The following LYST variants were observed in gnomAD, a reference collection of about 807,000 sequenced individuals.
The protein encoded by LYST is lysosomal trafficking regulator, also known as lysosomal-trafficking regulator.
A neutral mutation model predicts 413.6 loss-of-function variants in LYST; 192 were observed. That is an observed-to-expected ratio of 0.46 (90% CI 0.41 to 0.52). LYST has a LOEUF of 0.52. Among genes scored for constraint, LYST ranks in the 20% least tolerant of loss-of-function variants. The pLI is 0.00. For synonymous variants in LYST, 1,525 were observed against 1,567.3 expected (o/e 0.97, Z 0.64); for missense variants, 3,815 against 4,499.9 (o/e 0.85, Z 4.35).
intron 24 of LYST, among the ~76,000 whole-genome samples, chr1:235,756,955 CAA>C (rs989393756): frequency 9.2e-5 from 14 of 151,902 alleles, no homozygotes; most frequent in Admixed American, 7.9e-4. Flanking sequence ...GTAATTTTTA[CAA>C]AAGAGATTTA....
chr1:235,788,587 G>A (rs1558245635), intron 13 of LYST, 114 bp downstream of exon 13: 2 of 930,180 alleles, frequency 2.2e-6, no homozygotes, highest in Non-Finnish European at 3.4e-6. Context: ...ATTTTTAAAT[G>A]AGACTTTTTG....
intron 3 of LYST, among the ~76,000 whole-genome samples, chr1:235,819,377 T>A (rs941160043): frequency 6.6e-6 from 1 of 152,212 alleles, no homozygotes; most frequent in Admixed American, 6.5e-5. Flanking sequence ...TCCTTTACTC[T>A]TAATTTGTGG....
rs1259915809 is a variant in LYST, at chr1:235,854,211, G to C, written c.-98+12632C>G. 6.6e-6 allele frequency among the ~76,000 whole-genome samples: 1 copy of C among 152,148 alleles called. No homozygotes were observed. The highest frequency in any genetic ancestry group is 1.5e-5 in the Non-Finnish European group (1 of 68,028). On this transcript the variant is annotated intron_variant, in intron 1 of 52. Transcript: ENST00000389793. The surrounding 1 kb of genome is among the most constrained non-coding windows in gnomAD (Gnocchi z 4.1). ...GCACTCTAGGTAAGTAGAGTAGTTA[G>C]TTTAATCCTCCTAACAATCTCCTAA...
At position 235,852,470 on chromosome 1, in the gene LYST, C is replaced by T. The variant is rs760907074; in HGVS notation, c.-98+14373G>A. Among the ~76,000 whole-genome samples the T allele has an allele frequency of 1.1e-4, 17 of 152,224 alleles. 1 individual carries two copies. The highest frequency in any genetic ancestry group is 6.8e-3 in the Middle Eastern group (2 of 294). On this transcript the variant is annotated intron_variant, in intron 1 of 52. Transcript: ENST00000389793. ...TGTTGAGGTAATCTCAGCACTTTGC[C>T]GGACCTTTTTCCCGGGGAAGTCTCA...
chr1:235,800,826 G>A, intron 9 of LYST, 45 bp downstream of exon 9: 2 of 1,288,006 alleles, frequency 1.6e-6, no homozygotes, highest in Middle Eastern at 2.1e-4. Context: ...ATTGGGTGAT[G>A]AGTCTGATAA....
chr1:235,781,583 A>G (rs1335901731), intron 15 of LYST, among the ~76,000 whole-genome samples: 2 of 152,106 alleles, frequency 1.3e-5, no homozygotes, highest in Non-Finnish European at 2.9e-5. Flanking sequence ...TAAGTTTACT[A>G]GTCATGATGC....
In LYST at chr1:235,741,425, T is replaced by C. The variant is rs777288565; in HGVS notation, c.8355A>G (p.Leu2785=). The change falls in exon 31 of 53, where the codon CTA becomes CTG. Residue 2785 remains leucine (L), a synonymous_variant. Coordinates refer to ENST00000389793, the MANE Select transcript of LYST (RefSeq NM_000081.4). ...EILRDCLSPS[L]QHGAKLVLYL... ...TTATCAAAGCTGAGATACTTACTTG[T>C]AGGGATGGGCTGAGACAGTCTCGTA... The C allele has an allele frequency of 3.1e-6, 5 of 1,612,266 alleles. No individual in the cohort carries two copies. The highest frequency in any genetic ancestry group is 2.2e-5 in the South Asian group (2 of 91,028).
At chr1:235,818,780 A>C (rs1674439728) in intron 3 of LYST, among the ~76,000 whole-genome samples, 1 of 152,198 alleles carries the variant, frequency 6.6e-6, no homozygotes, top group East Asian at 1.9e-4. Context: ...TGCTACGGAC[A>C]CGCTGTACTG....
chr1:235,703,059 CTT>C (rs1661673897), intron 44 of LYST, 82 bp from the exon 45 acceptor site: 7 of 1,021,122 alleles, frequency 6.9e-6, no homozygotes, highest in Non-Finnish European at 9.3e-6. Context: ...AAAAACAACA[CTT>C]TGTTTTATAT....
In LYST at chr1:235,813,280, T is replaced by C. The variant is rs7536644; in HGVS notation, c.193-219A>G. Among the ~76,000 whole-genome samples, 1,366 of 152,340 alleles carry C rather than the reference T, an allele frequency of 9.0e-3. 21 individuals carry two copies. The highest frequency in any genetic ancestry group is 0.031 in the African/African-American group (1,303 of 41,564). The stretch of plus-strand genomic sequence containing the variant: ...AGAAGAATCTAAGAGTATTTGACAG[T>C]ATTTAGCACACTCCTGCTGATATTT... On this transcript the variant is annotated intron_variant, in intron 3 of 52. Coordinates refer to ENST00000389793, the MANE Select transcript of LYST (RefSeq NM_000081.4).
chr1:235,751,481 A>G (rs1055641589), intron 27 of LYST, 119 bp from the exon 28 acceptor site: 18 of 830,678 alleles, frequency 2.2e-5, no homozygotes, highest in Admixed American at 4.1e-5. Context: ...TTTGATCAGC[A>G]TGGGGATGAT....
intron 47 of LYST, among the ~76,000 whole-genome samples, chr1:235,692,383 G>A (rs1660729703): frequency 6.6e-6 from 1 of 151,398 alleles, no homozygotes; most frequent in South Asian, 2.1e-4. Flanking sequence ...CTATCAGTCT[G>A]ACTCTTTTTT....
At chr1:235,718,740 C>T (rs1206764659) in intron 40 of LYST, among the ~76,000 whole-genome samples, 2 of 152,120 alleles carry the variant, frequency 1.3e-5, no homozygotes, top group South Asian at 2.1e-4. Flanking sequence ...TATTTGGTTA[C>T]TCTAAAATAC....
At chr1:235,791,288 A>G (rs1425617777) in intron 12 of LYST, among the ~76,000 whole-genome samples, 1 of 152,130 alleles carries the variant, frequency 6.6e-6, no homozygotes, top group African/African-American at 2.4e-5. Flanking sequence ...CTCAAAAAAA[A>G]AGAGAGAGAA....
Position 235,804,485 on chromosome 1 carries a change from T to C in LYST, c.3555+19A>G, listed in dbSNP as rs991406982. ...GCTGGTCATACCCAAAGAACACAACTATATGTTGTTATTCATACCTTCTCA... is the reference window on the plus strand; with the variant it reads ...GCTGGTCATACCCAAAGAACACAACCATATGTTGTTATTCATACCTTCTCA... On this transcript the variant is annotated intron_variant, in intron 7 of 52. Coordinates refer to ENST00000389793, the MANE Select transcript of LYST (RefSeq NM_000081.4). The C allele has an allele frequency of 6.2e-7, 1 of 1,600,152 alleles. No homozygotes were observed. Among genetic ancestry groups the C allele is most frequent in the African/African-American group, 1.3e-5 (1 of 74,620 alleles).
At chr1:235,830,492 T>A in intron 2 of LYST, 68 bp from the exon 3 acceptor site, 1 of 1,213,500 alleles carries the variant, frequency 8.2e-7, no homozygotes, top group Non-Finnish European at 1.2e-6. Context: ...TAAAACTATG[T>A]GTTTTTGTTG....
At chr1:235,727,983 T>G (rs1572084923) in intron 38 of LYST, 93 bp downstream of exon 38, 3 of 921,570 alleles carry the variant, frequency 3.3e-6, no homozygotes, top group East Asian at 4.8e-5. Context: ...GAATGAACTC[T>G]AATAGTTCTT....
At chr1:235,867,560 GGTTTGTATACA>G (rs1490680691), upstream of LYST, among the ~76,000 whole-genome samples, 3 of 152,180 alleles carry the variant, frequency 2.0e-5, no homozygotes, top group Non-Finnish European at 4.4e-5. Context: ...GTTCAAACAC[GGTTTGTATACA>G]GTGCGCACTG....
chr1:235,824,976 C>T (rs888525554), intron 3 of LYST, among the ~76,000 whole-genome samples: 2 of 151,922 alleles, frequency 1.3e-5, no homozygotes, highest in Admixed American at 6.6e-5. Flanking sequence ...GCCAAGGTCG[C>T]GCCACTGCAC....
Sources: gnomAD v4.1 joint callset for allele counts (sites outside exome capture counted in the v4.1 genomes callset) on GRCh38, gnomAD v4.1.1 for gene constraint, Gnocchi (gnomAD v3.1) non-coding constraint, MANE v1.5 for transcripts, NCBI Gene and HGNC (gene_info 2026-07-23, HGNC 2026-07-21) for gene names.